TEKT5: variants seen among roughly 807,000 people sequenced by gnomAD.
TEKT5 encodes the protein tektin 5, also known as tektin-5.
Under a neutral mutation model 48.7 loss-of-function variants are expected in TEKT5, and 52 were observed. The ratio of observed to expected loss-of-function variants is 1.07; its 90% CI spans 0.86 to 1.35. TEKT5 has a LOEUF of 1.35. Among genes scored for constraint, TEKT5 ranks in the 40% most tolerant of loss-of-function variants. The pLI is 0.00. For missense variants in TEKT5, 831 were observed against 641.6 expected (o/e 1.30, Z -3.19); for synonymous variants, 318 against 267.6 (o/e 1.19, Z -1.84).
intron 3 of TEKT5, among the ~76,000 whole-genome samples, chr16:10,687,022 G>T (rs1406703529): frequency 6.6e-6 from 1 of 152,164 alleles, no homozygotes; most frequent in Non-Finnish European, 1.5e-5. Context: ...CATGTATGTG[G>T]AATCTAAAAC....
At chr16:10,651,680 C>G (rs1274409442) in intron 5 of TEKT5, among the ~76,000 whole-genome samples, 2 of 152,158 alleles carry the variant, frequency 1.3e-5, no homozygotes, top group East Asian at 3.8e-4. Context: ...GGGTACACAG[C>G]CGGGTGTGGT....
chr16:10,690,455 T>G, intron 1 of TEKT5: 1 of 571,498 alleles, frequency 1.7e-6, no homozygotes, highest in Non-Finnish European at 2.2e-6. Context: ...ATTGTGTGCA[T>G]TTGGGCAAAC....
intron 4 of TEKT5, among the ~76,000 whole-genome samples, chr16:10,677,208 C>G (rs1596415659): frequency 6.8e-6 from 1 of 147,496 alleles, no homozygotes; most frequent in African/African-American, 2.6e-5. Flanking sequence ...GCAGCAGCAG[C>G]AGGAGGATGA....
intron 4 of TEKT5, among the ~76,000 whole-genome samples, chr16:10,677,935 T>C (rs776096011): frequency 6.6e-6 from 1 of 152,114 alleles, no homozygotes. Context: ...TCAATGGACA[T>C]GGACACAGGC....
chr16:10,661,499 G>A (rs944094873), intron 5 of TEKT5, among the ~76,000 whole-genome samples: 1 of 152,286 alleles, frequency 6.6e-6, no homozygotes, highest in Non-Finnish European at 1.5e-5. Context: ...ACATGATTAT[G>A]TTTGTAGTTT....
chr16:10,694,261 CA>C (rs1567238645), intron 1 of TEKT5, 48 bp downstream of exon 1: 1 of 1,499,818 alleles, frequency 6.7e-7, no homozygotes, highest in Admixed American at 2.2e-5. Flanking sequence ...AATGAGCGTG[CA>C]GTATCCCCAG....
intron 1 of TEKT5, among the ~76,000 whole-genome samples, chr16:10,691,764 C>T (rs143663299): frequency 0.016 from 2,405 of 152,106 alleles, 56 homozygotes; most frequent in African/African-American, 0.055. Flanking sequence ...CTGGCTAACA[C>T]GGTGAAACCC....
chr16:10,652,037 G>T (rs893369870), intron 5 of TEKT5, among the ~76,000 whole-genome samples: 6 of 152,066 alleles, frequency 3.9e-5, no homozygotes, highest in African/African-American at 9.7e-5. Context: ...ATCCAAGCTG[G>T]GGGGCCTTGG....
chr16:10,675,877 T>C, intron 5 of TEKT5, 82 bp downstream of exon 5: 1 of 1,412,794 alleles, frequency 7.1e-7, no homozygotes, highest in South Asian at 1.2e-5. Context: ...CAGGGCCAGC[T>C]TGGCCCAGAT....
intron 6 of TEKT5, among the ~76,000 whole-genome samples, chr16:10,634,396 A>C (rs1473701354): frequency 3.3e-5 from 5 of 152,182 alleles, no homozygotes; most frequent in Admixed American, 3.3e-4. Flanking sequence ...TGTCAAAAGA[A>C]GTACTGCTAT....
intron 6 of TEKT5, among the ~76,000 whole-genome samples, chr16:10,635,339 G>T (rs1159987296): frequency 1.3e-5 from 2 of 151,982 alleles, no homozygotes. Flanking sequence ...TTCATGGTAA[G>T]AACTTTACAA....
chr16:10,657,076 T>G (rs1388993801), intron 5 of TEKT5, among the ~76,000 whole-genome samples: 1 of 151,884 alleles, frequency 6.6e-6, no homozygotes, highest in Non-Finnish European at 1.5e-5. Flanking sequence ...AGACTCAGAT[T>G]GATGGACAAT....
intron 3 of TEKT5, among the ~76,000 whole-genome samples, chr16:10,685,481 G>C (rs896063874): frequency 6.6e-6 from 1 of 152,092 alleles, no homozygotes; most frequent in Non-Finnish European, 1.5e-5. Flanking sequence ...GTTTTTAGTA[G>C]AGACGGGGTT....
At chr16:10,686,871 G>T (rs1247728226) in intron 3 of TEKT5, among the ~76,000 whole-genome samples, 1 of 152,092 alleles carries the variant, frequency 6.6e-6, no homozygotes, top group Non-Finnish European at 1.5e-5. Context: ...AAGAAAAGGT[G>T]GCATGTATAC....
intron 5 of TEKT5, among the ~76,000 whole-genome samples, chr16:10,671,374 TG>T (rs1898546273): frequency 6.6e-6 from 1 of 152,160 alleles, no homozygotes; most frequent in African/African-American, 2.4e-5. Flanking sequence ...AGCCAAAAGA[TG>T]GACGCCACCA....
At chr16:10,691,707 G>C (rs1596424029) in intron 1 of TEKT5, among the ~76,000 whole-genome samples, 2 of 152,150 alleles carry the variant, frequency 1.3e-5, no homozygotes, top group African/African-American at 4.8e-5. Flanking sequence ...CCAGCACTTT[G>C]GGAGGCTGAG....
At chr16:10,648,019 G>A (rs1175108172) in intron 5 of TEKT5, among the ~76,000 whole-genome samples, 1 of 152,144 alleles carries the variant, frequency 6.6e-6, no homozygotes, top group African/African-American at 2.4e-5. Context: ...TGAGACAAAT[G>A]GTCACTGTCA....
At chr16:10,666,076 A>G (rs1242354458) in intron 5 of TEKT5, among the ~76,000 whole-genome samples, 2 of 152,320 alleles carry the variant, frequency 1.3e-5, no homozygotes, top group East Asian at 1.9e-4. Context: ...TGTCTCTACT[A>G]AAAATACAAA....
At chr16:10,645,539 A>T (rs1187658832) in intron 5 of TEKT5, among the ~76,000 whole-genome samples, 3 of 152,040 alleles carry the variant, frequency 2.0e-5, no homozygotes, top group Non-Finnish European at 4.4e-5. Flanking sequence ...ACAGTGGCTC[A>T]CGCCTGTAAT....
Sources: allele counts gnomAD v4.1 joint callset (sites outside exome capture counted in the v4.1 genomes callset), GRCh38; gene constraint gnomAD v4.1.1; transcripts MANE v1.5; gene names NCBI Gene and HGNC (gene_info 2026-07-23, HGNC 2026-07-21).